Variants in PTPRQ observed in about 807,000 individuals in gnomAD.
PTPRQ encodes the protein phosphatidylinositol phosphatase PTPRQ.
In PTPRQ, 199 loss-of-function variants were observed where a neutral mutation model predicts 246.0. That is an observed-to-expected ratio of 0.81 (90% CI 0.72 to 0.91). PTPRQ has a LOEUF of 0.91. Ranked by LOEUF, PTPRQ falls within the 40% of genes least tolerant of loss-of-function variation. The pLI, the probability that PTPRQ is intolerant of heterozygous loss-of-function variation, is 0.00. For synonymous variants in PTPRQ, 869 were observed against 853.2 expected (o/e 1.02, Z -0.32); for missense variants, 2,624 against 2,528.4 (o/e 1.04, Z -0.81).
chr12:80,608,939 C>A (rs1898440562), intron 27 of PTPRQ, among the ~76,000 whole-genome samples: 1 of 150,554 alleles, frequency 6.6e-6, no homozygotes, highest in Admixed American at 6.7e-5. Flanking sequence ...ATGTGATATT[C>A]AAATGTTAAC....
At chr12:80,529,753 C>G (rs912174694) in intron 17 of PTPRQ, among the ~76,000 whole-genome samples, 3 of 151,794 alleles carry the variant, frequency 2.0e-5, no homozygotes, top group Non-Finnish European at 4.4e-5. Flanking sequence ...TTGGCGTTAC[C>G]CATGAGTAAA....
chr12:80,519,309 C>A (rs1026250461), intron 17 of PTPRQ, among the ~76,000 whole-genome samples: 2 of 152,228 alleles, frequency 1.3e-5, no homozygotes, highest in African/African-American at 4.8e-5. Context: ...TTTTGAAATG[C>A]AGAACACTGA....
intron 41 of PTPRQ, among the ~76,000 whole-genome samples, chr12:80,670,111 T>C (rs577837637): frequency 4.3e-4 from 66 of 152,246 alleles, no homozygotes; most frequent in African/African-American, 1.6e-3. Context: ...AATATTAATG[T>C]CCTATATTAA....
chr12:80,556,101 C>T (rs1211843315), intron 25 of PTPRQ, among the ~76,000 whole-genome samples: 2 of 152,108 alleles, frequency 1.3e-5, no homozygotes, highest in African/African-American at 4.8e-5. Flanking sequence ...AATCTCAGCT[C>T]ACTGCAACTT....
At chr12:80,632,551 G>C (rs1899480514) in intron 34 of PTPRQ, among the ~76,000 whole-genome samples, 1 of 152,142 alleles carries the variant, frequency 6.6e-6, no homozygotes, top group Non-Finnish European at 1.5e-5. Flanking sequence ...TTGTTAACTA[G>C]CAGAAATGGC....
chr12:80,449,795 A>C (rs527777273), intron 3 of PTPRQ, among the ~76,000 whole-genome samples: 1 of 152,216 alleles, frequency 6.6e-6, no homozygotes, highest in Admixed American at 6.5e-5. Flanking sequence ...AGTATAGTTT[A>C]AAGTCAGGTA....
intron 43 of PTPRQ, 148 bp downstream of exon 43, chr12:80,673,452 G>C (rs778707126): frequency 5.5e-6 from 7 of 1,269,022 alleles, no homozygotes; most frequent in Non-Finnish European, 7.3e-6. Context: ...GATTCGGGAG[G>C]GCAGCTGATA....
chr12:80,449,637 C>T (rs11513911), intron 3 of PTPRQ, among the ~76,000 whole-genome samples: 45,937 of 150,562 alleles, frequency 0.31, 7,338 homozygotes, highest in Middle Eastern at 0.37. Context: ...TAGGGAATCC[C>T]TTCCCCATTG....
chr12:80,525,269 G>C (rs149300937), intron 17 of PTPRQ, among the ~76,000 whole-genome samples: 1 of 152,238 alleles, frequency 6.6e-6, no homozygotes, highest in African/African-American at 2.4e-5. Context: ...TAATAGTCAA[G>C]ATTCTTTTTG....
chr12:80,454,448 A>G (rs1040398939), intron 3 of PTPRQ: 4 of 602,366 alleles, frequency 6.6e-6, no homozygotes, highest in African/African-American at 2.9e-5. Flanking sequence ...GCAGAAATGG[A>G]TGCCTTTTAT....
In PTPRQ at chr12:80,610,615, T is replaced by C; in HGVS notation, c.4908T>C (p.Thr1636=). ...GKSSAEMIVT[T]LESAPKDPPN... is the part of the protein sequence containing the mutation. ...CAAGTGCTGAAATGATTGTTACTAC[T>C]TTAGAATCAGGTAAGGAGAATTTCT... Residue 1636 remains threonine (T), a synonymous_variant, in exon 28 of 45, where the codon ACT becomes ACC. Coordinates refer to ENST00000644991, the MANE Select transcript of PTPRQ (RefSeq NM_001145026.2). The C allele has an allele frequency of 6.5e-7, 1 of 1,541,972 alleles. No individual in the cohort carries two copies. The highest frequency in any genetic ancestry group is 1.2e-5 in the South Asian group (1 of 83,422).
At position 80,546,413 on chromosome 12, in the gene PTPRQ, A is replaced by T. The variant is rs201133740; in HGVS notation, c.3874-143A>T. 3.9e-4 allele frequency: 329 copies of T among 846,488 alleles called. 3 individuals are homozygous for T. The East Asian group carries it at 9.1e-3, about 24-fold the overall frequency. 52.4% of individuals were successfully genotyped at this position (846,488 alleles called of 1,614,324 possible). A position where few individuals can be genotyped will look rare whatever the true frequency, so the allele number is the denominator to read the frequency against. Reference sequence around the variant, plus strand: ...ACTCTATGGCACAAAATAAATGCTAATATTTGTTTTATTATAATTTAAAAT... The same window carrying T: ...ACTCTATGGCACAAAATAAATGCTATTATTTGTTTTATTATAATTTAAAAT... On this transcript the variant is annotated intron_variant, in intron 23 of 44. Coordinates refer to ENST00000644991, the MANE Select transcript of PTPRQ (RefSeq NM_001145026.2).
chr12:80,575,848 A>G (rs1024071920), intron 25 of PTPRQ, among the ~76,000 whole-genome samples: 2 of 150,978 alleles, frequency 1.3e-5, no homozygotes, highest in Non-Finnish European at 2.9e-5. Context: ...TCAAAAAAAA[A>G]AAAAAAAAAG....
Position 80,444,743 on chromosome 12 carries a change from T to A in PTPRQ, c.57T>A (p.Val19=). The A allele has an allele frequency of 6.5e-7, 1 of 1,536,614 alleles. No homozygotes were observed. The highest frequency in any genetic ancestry group is 8.8e-7 in the Non-Finnish European group (1 of 1,136,008). Residue 19 remains valine, a splice_region_variant and synonymous_variant, in exon 2 of 45, where the codon GTT becomes GTA. Transcript: ENST00000644991. ...LLFIGTSETQ[V]DVSNVVPGTR... ...ACTATTTGTTTGTGGTGTTCTAGGT[T>A]GATGTTTCCAATGTCGTTCCTGGTA...
rs546243244 is a variant in PTPRQ, at chr12:80,516,835, T to C, written c.2678+6392T>C. On this transcript the variant is annotated intron_variant, in intron 17 of 44. Coordinates refer to ENST00000644991, the MANE Select transcript of PTPRQ (RefSeq NM_001145026.2). ...TGGAGTGAAAGTGGTAAAGATAGAT[T>C]TGTGAATTAGGAGAGCATCTCAGTG... Among the ~76,000 whole-genome samples, 12 of 152,246 alleles carry C rather than the reference T, an allele frequency of 7.9e-5. 1 individual carries two copies. The South Asian group carries it at 2.5e-3, about 32-fold the overall frequency.
chr12:80,449,228 T>C (rs1451930537), intron 3 of PTPRQ, among the ~76,000 whole-genome samples: 3 of 151,600 alleles, frequency 2.0e-5, no homozygotes, highest in East Asian at 1.9e-4. Flanking sequence ...GGTTGTTTGT[T>C]TTTTTCTTGT....
intron 25 of PTPRQ, among the ~76,000 whole-genome samples, chr12:80,551,587 G>A (rs1007011173): frequency 6.6e-6 from 1 of 152,070 alleles, no homozygotes; most frequent in African/African-American, 2.4e-5. Context: ...GTGTCAAGTT[G>A]GGTACCTGAA....
intron 27 of PTPRQ, among the ~76,000 whole-genome samples, chr12:80,606,117 C>G (rs963320452): frequency 6.6e-6 from 1 of 150,918 alleles, no homozygotes; most frequent in Non-Finnish European, 1.5e-5. Flanking sequence ...TGAGGAGGAA[C>G]AGATCTGTAG....
chr12:80,533,868 G>A (rs1895912175), intron 17 of PTPRQ, 147 bp from the exon 18 acceptor site: 1 of 569,986 alleles, frequency 1.8e-6, no homozygotes, highest in Non-Finnish European at 2.7e-6. Context: ...ACTATTTTCA[G>A]TATTTCAGGA....
Sources: gnomAD v4.1 joint callset for allele counts (sites outside exome capture counted in the v4.1 genomes callset) on GRCh38, gnomAD v4.1.1 for gene constraint, MANE v1.5 for transcripts, NCBI Gene and HGNC (gene_info 2026-07-23, HGNC 2026-07-21) for gene names.